Variants in GHR observed in about 807,000 individuals in gnomAD.
GHR encodes the protein GH receptor.
A neutral mutation model predicts 67.1 loss-of-function variants in GHR; 35 were observed. That is an observed-to-expected ratio of 0.52 (90% CI 0.40 to 0.69). The LOEUF (loss-of-function observed/expected upper bound fraction) is 0.69. GHR is among the 30% of genes least tolerant of loss of function. The pLI is 0.00. For synonymous variants in GHR, 272 were observed against 269.1 expected (o/e 1.01, Z -0.10); for missense variants, 792 against 764.6 (o/e 1.04, Z -0.42).
At chr5:42,436,785 A>C (rs916084268) in intron 1 of GHR, among the ~76,000 whole-genome samples, 1 of 152,176 alleles carries the variant, frequency 6.6e-6, no homozygotes, top group South Asian at 2.1e-4. Context: ...ACATTTGACT[A>C]ATCTTTATGT....
intron 1 of GHR, among the ~76,000 whole-genome samples, chr5:42,479,639 T>A (rs1397734786): frequency 6.6e-6 from 1 of 152,250 alleles, no homozygotes; most frequent in Admixed American, 6.5e-5. Context: ...GAGGAATTTA[T>A]CCATTTCTTC....
At chr5:42,512,256 A>G (rs1747049500) in intron 1 of GHR, among the ~76,000 whole-genome samples, 10 of 152,148 alleles carry the variant, frequency 6.6e-5, no homozygotes, top group Admixed American at 5.9e-4. Flanking sequence ...AGGGGTTCTC[A>G]AGGCAGAGAA....
intron 2 of GHR, among the ~76,000 whole-genome samples, chr5:42,611,154 C>G (rs1004324579): frequency 4.6e-5 from 7 of 152,052 alleles, no homozygotes; most frequent in African/African-American, 1.7e-4. Context: ...TCAGTGTTTT[C>G]TCCTTGCCCT....
At chr5:42,591,736 C>T (rs1751790107) in intron 2 of GHR, among the ~76,000 whole-genome samples, 1 of 152,148 alleles carries the variant, frequency 6.6e-6, no homozygotes, top group Admixed American at 6.5e-5. Flanking sequence ...TACCCTCCTG[C>T]CCCTCCCAAA....
At chr5:42,429,007 G>T (rs933168797) in intron 1 of GHR, among the ~76,000 whole-genome samples, 1 of 152,080 alleles carries the variant, frequency 6.6e-6, no homozygotes, top group Non-Finnish European at 1.5e-5. Context: ...CCACATTTTT[G>T]GGTATCTTTA....
chr5:42,715,216 T>TA (rs1758662891), intron 8 of GHR: 2 of 252,398 alleles, frequency 7.9e-6, no homozygotes, highest in Admixed American at 5.2e-5. Context: ...CTTTATTTTT[T>TA]ATTTGCCCAT....
Position 42,424,544 on chromosome 5 carries a change from G to T in GHR, c.-12+589G>T. 3 of 1,526,504 alleles carry T rather than the reference G, an allele frequency of 2.0e-6. No individual in the cohort carries two copies. The highest frequency in any genetic ancestry group is 2.4e-5 in the East Asian group (1 of 40,830). 94.6% of individuals were successfully genotyped at this position (1,526,504 alleles called of 1,614,324 possible). A position where few individuals can be genotyped will look rare whatever the true frequency, so the allele number is the denominator to read the frequency against. On this transcript the variant is annotated intron_variant, in intron 1 of 9. Transcript: ENST00000230882. The surrounding 1 kb of genome is among the most constrained non-coding windows in gnomAD (Gnocchi z 4.1). ...TTGTGCGGGCCGCAGCCGCACGTTG[G>T]CACCGATGGAACTGGGGTCAGTAGA...
intron 1 of GHR, among the ~76,000 whole-genome samples, chr5:42,477,053 C>T (rs1238507719): frequency 8.4e-6 from 1 of 119,280 alleles, no homozygotes; most frequent in African/African-American, 3.2e-5. Context: ...CCACAACAGT[C>T]CCCAGTGTGT....
In GHR at chr5:42,718,564, C is replaced by A; in HGVS notation, c.1057C>A (p.Pro353Thr). ...ATTTATTGAGCTAGATATTGATGAG[C>A]CAGATGAAAAGACTGAGGAATCAGA... is the stretch of plus-strand genomic sequence containing the variant. The part of the protein sequence containing the change: ...VEFIELDIDE[P>T]DEKTEESDTD... The change falls in exon 10 of 10, where the codon CCA becomes ACA. Residue 353 changes from proline to threonine, a missense_variant. Physicochemically the swap from Pro to Thr is conservative, Grantham distance 38. Transcript: ENST00000230882. 1 of 1,613,890 alleles carries A rather than the reference C, an allele frequency of 6.2e-7. No individual in the cohort carries two copies. The highest frequency in any genetic ancestry group is 1.3e-5 in the African/African-American group (1 of 74,972).
intron 2 of GHR, among the ~76,000 whole-genome samples, chr5:42,623,372 G>A (rs1753551920): frequency 6.6e-6 from 1 of 152,132 alleles, no homozygotes; most frequent in Non-Finnish European, 1.5e-5. Context: ...GTTCCCCAGT[G>A]TTTGCAGAAT....
chr5:42,571,395 T>C (rs780977457), intron 2 of GHR, among the ~76,000 whole-genome samples: 15 of 152,236 alleles, frequency 9.9e-5, no homozygotes, highest in Non-Finnish European at 1.3e-4. Flanking sequence ...CTCCTCATTG[T>C]AGTCTCTGGA....
At chr5:42,534,051 T>TGTATGTATATATATGTAC (rs1238817370) in intron 1 of GHR, among the ~76,000 whole-genome samples, 1 of 150,680 alleles carries the variant, frequency 6.6e-6, no homozygotes, top group Non-Finnish European at 1.5e-5. Context: ...ATATAGTATA[T>TGTATGTATATATATGTAC]GTATGTATAT....
At chr5:42,648,066 A>C (rs59270846) in intron 3 of GHR, among the ~76,000 whole-genome samples, 3,669 of 152,304 alleles carry the variant, frequency 0.024, 145 homozygotes, top group African/African-American at 0.083. Flanking sequence ...AACAAGAAAC[A>C]TAAAGAAGTA....
At chr5:42,498,415 A>G (rs565394446) in intron 1 of GHR, among the ~76,000 whole-genome samples, 2 of 152,200 alleles carry the variant, frequency 1.3e-5, no homozygotes, top group African/African-American at 4.8e-5. Flanking sequence ...TTATGAGGCA[A>G]TTCTACCCAC....
At chr5:42,467,680 G>C in intron 1 of GHR, 5 of 1,594,424 alleles carry the variant, frequency 3.1e-6, no homozygotes, top group Non-Finnish European at 4.3e-6. Flanking sequence ...ATCGAGCTTT[G>C]CACTCTGAAT....
intron 1 of GHR, among the ~76,000 whole-genome samples, chr5:42,474,657 T>A (rs1356685965): frequency 6.6e-6 from 1 of 152,026 alleles, no homozygotes; most frequent in Non-Finnish European, 1.5e-5. Flanking sequence ...AAGAGAGAAA[T>A]GGATTTTAGT....
At chr5:42,647,663 G>A (rs1394305489) in intron 3 of GHR, 5 of 452,554 alleles carry the variant, frequency 1.1e-5, no homozygotes, top group Non-Finnish European at 2.2e-5. Flanking sequence ...AGTCTTACAT[G>A]CAAGCCTAAT....
intron 3 of GHR, among the ~76,000 whole-genome samples, chr5:42,670,893 A>ATG (rs1313178756): frequency 1.4e-5 from 2 of 147,792 alleles, no homozygotes; most frequent in African/African-American, 4.9e-5. Flanking sequence ...ATATATATAT[A>ATG]TATAGGCAAC....
chr5:42,634,343 T>C (rs1453747851), intron 3 of GHR, among the ~76,000 whole-genome samples: 1 of 152,178 alleles, frequency 6.6e-6, no homozygotes, highest in Non-Finnish European at 1.5e-5. Context: ...AACTCTATAT[T>C]GGACCCTAAA....
Sources: allele counts gnomAD v4.1 joint callset (sites outside exome capture counted in the v4.1 genomes callset), GRCh38; gene constraint gnomAD v4.1.1; non-coding constraint Gnocchi (gnomAD v3.1); transcripts MANE v1.5; gene names NCBI Gene and HGNC (gene_info 2026-07-23, HGNC 2026-07-21).